The following TPP2 variants were observed in gnomAD, a reference collection of about 807,000 sequenced individuals.
TPP2 encodes the protein tripeptidyl peptidase 2, also known as tripeptidyl-peptidase 2.
A neutral mutation model predicts 155.9 loss-of-function variants in TPP2; 34 were observed. The ratio of observed to expected loss-of-function variants is 0.22; its 90% CI spans 0.17 to 0.29. The LOEUF is 0.29. Ranked by LOEUF, TPP2 falls within the 10% of genes least tolerant of loss-of-function variation. The probability of loss-of-function intolerance (pLI) is 1.00; values close to 1 mark genes in which losing one functional copy is unlikely to be tolerated. For synonymous variants in TPP2, 510 were observed against 529.4 expected, an observed-to-expected ratio of 0.96 and a Z score of 0.50; for missense variants, 1,028 against 1,522.3, an observed-to-expected ratio of 0.68 and a Z score of 5.40.
At position 102,634,098 on chromosome 13, in the gene TPP2, G is replaced by C. The variant is rs750736298; in HGVS notation, c.1393G>C (p.Gly465Arg). ...TGGAGGCATTGCCCTGATCCTTTCA[G>C]GTAAGCGTGTTCTTTATTGTCCTTA... ...ACGGIALILS[G>R]LKANNIDYTV... The change falls in exon 11 of 30, where the codon GGT (glycine) becomes CGT (arginine). Residue 465 changes from glycine (G) to arginine (R), a missense_variant and splice_region_variant. By Grantham distance (125) the Gly-to-Arg change is moderately radical (BLOSUM62 -2). This residue lies in a region of TPP2 where 325 missense variants were observed against 463.7 expected (regional missense o/e 0.70). Coordinates refer to ENST00000376052, the MANE Select transcript of TPP2 (RefSeq NM_001330588.2). 1.2e-6 allele frequency: 2 copies of C among 1,613,826 alleles called. No homozygotes were observed. Among genetic ancestry groups the C allele is most frequent in the South Asian group, 1.1e-5 (1 of 91,084 alleles).
chr13:102,600,444 G>A (rs1326485486), intron 1 of TPP2, among the ~76,000 whole-genome samples: 2 of 151,834 alleles, frequency 1.3e-5, no homozygotes, highest in East Asian at 1.9e-4. Flanking sequence ...GTTAGGGCCT[G>A]CAGCTTCAGA....
At chr13:102,651,988 T>A (rs1037970328) in intron 24 of TPP2, among the ~76,000 whole-genome samples, 1 of 152,194 alleles carries the variant, frequency 6.6e-6, no homozygotes, top group African/African-American at 2.4e-5. Flanking sequence ...CCATCGCTAC[T>A]AAGTGGTCTG....
At chr13:102,609,208 A>G (rs1004064761) in intron 2 of TPP2, among the ~76,000 whole-genome samples, 4 of 152,058 alleles carry the variant, frequency 2.6e-5, no homozygotes, top group African/African-American at 9.7e-5. Flanking sequence ...GAAGAACTAC[A>G]TGAGACTGGG....
At chr13:102,672,597 G>A (rs575650711) in intron 27 of TPP2, among the ~76,000 whole-genome samples, 41 of 152,246 alleles carry the variant, frequency 2.7e-4, no homozygotes, top group Middle Eastern at 3.4e-3. Context: ...AACCTGCCTT[G>A]TCAACCCATT....
At chr13:102,661,250 C>CTTTT (rs35157211) in intron 25 of TPP2, among the ~76,000 whole-genome samples, 20 of 124,128 alleles carry the variant, frequency 1.6e-4, no homozygotes, top group African/African-American at 3.1e-4. Context: ...GAACGCTAAC[C>CTTTT]TTTTTTTTTT....
At chr13:102,644,847 G>A (rs1451610436) in intron 18 of TPP2, 62 bp from the exon 19 acceptor site, 2 of 1,563,820 alleles carry the variant, frequency 1.3e-6, no homozygotes, top group African/African-American at 2.7e-5. Context: ...ATTTATTTTA[G>A]GTACAAAATA....
intron 5 of TPP2, among the ~76,000 whole-genome samples, chr13:102,620,536 A>G (rs1184465782): frequency 6.6e-6 from 1 of 152,198 alleles, no homozygotes; most frequent in Non-Finnish European, 1.5e-5. Context: ...AGATGTTCTC[A>G]TTTCACATTT....
chr13:102,649,424 G>A lies in TPP2; in HGVS notation c.2890G>A (p.Gly964Arg). ...LPDDKIPKGA[G>R]PGCYLAGSLT... is the part of the protein sequence containing the mutation. ...CTTGTTTAGAATACCTAAAGGGGCAGGACCTGGATGCTATCTTGCAGGATC... is the reference window on the plus strand; with the variant it reads ...CTTGTTTAGAATACCTAAAGGGGCAAGACCTGGATGCTATCTTGCAGGATC... The change falls in exon 23 of 30, where the codon GGA becomes AGA. Residue 964 changes from glycine to arginine, a missense_variant. Around this residue, in one of 7 missense-constraint regions of TPP2, gnomAD observed 179 missense variants for 274.7 expected, o/e 0.65. Transcript: ENST00000376052. 6.2e-7 allele frequency: 1 copy of A among 1,612,656 alleles called. No individual in the cohort carries two copies. The highest frequency in any genetic ancestry group is 8.5e-7 in the Non-Finnish European group (1 of 1,179,428).
At chr13:102,637,902 T>G (rs1882491078) in intron 14 of TPP2, among the ~76,000 whole-genome samples, 1 of 152,214 alleles carries the variant, frequency 6.6e-6, no homozygotes, top group African/African-American at 2.4e-5. Context: ...AACAAATAGT[T>G]GTAAACCAGG....
In TPP2 at chr13:102,597,149, G is replaced by T. The variant is rs199899151; in HGVS notation, c.111G>T (p.Gly37=). 1.7e-5 allele frequency: 27 copies of T among 1,608,052 alleles called. No individual in the cohort carries two copies. The East Asian group carries it at 2.7e-4, about 16-fold the overall frequency. ...LCRYPEYDGR[G]VLIAVLDTGV... is the part of the protein sequence containing the mutation. ...GCTACCCGGAGTATGATGGGCGGGGGGTGCTCATCGCAGTCCTGGACACGG... is the reference window on the plus strand; with the variant it reads ...GCTACCCGGAGTATGATGGGCGGGGTGTGCTCATCGCAGTCCTGGACACGG... Residue 37 remains glycine (G), a synonymous_variant, in exon 1 of 30, where the codon GGG becomes GGT. Transcript: ENST00000376052.
At chr13:102,637,775 T>A (rs1882479372) in intron 14 of TPP2, among the ~76,000 whole-genome samples, 1 of 152,198 alleles carries the variant, frequency 6.6e-6, no homozygotes, top group Non-Finnish European at 1.5e-5. Flanking sequence ...TGTCTTGAAC[T>A]CTTGGCCTCA....
Position 102,663,703 on chromosome 13 carries a change from C to G in TPP2, c.3199C>G (p.Pro1067Ala). Residue 1067 changes from proline (P) to alanine (A), a missense_variant, in exon 26 of 30, where the codon CCT becomes GCT. Pro to Ala is a conservative substitution (Grantham distance 27). This residue lies in a region of TPP2 where 179 missense variants were observed against 274.7 expected (regional missense o/e 0.65). Transcript: ENST00000376052. ...GAAAGAAACATATCCTAATTATCTT[C>G]CTCTGTACGTTGCACGACTTCATCA... is the stretch of plus-strand genomic sequence containing the variant. ...ELKETYPNYL[P>A]LYVARLHQLD... 6.2e-7 allele frequency: 1 copy of G among 1,608,444 alleles called. No individual in the cohort carries two copies. Among genetic ancestry groups the G allele is most frequent in the East Asian group, 2.2e-5 (1 of 44,528 alleles).
chr13:102,652,772 T>C (rs1256813488), intron 24 of TPP2, among the ~76,000 whole-genome samples: 1 of 152,104 alleles, frequency 6.6e-6, no homozygotes, highest in African/African-American at 2.4e-5. Context: ...TCTTGACCGT[T>C]TGGGGGCCAC....
At position 102,619,491 on chromosome 13, in the gene TPP2, C is replaced by G. The variant is rs114338934; in HGVS notation, c.620+645C>G. Among the ~76,000 whole-genome samples, 481 of 151,868 alleles carry G rather than the reference C, an allele frequency of 3.2e-3. 2 individuals are homozygous for G. Among genetic ancestry groups the G allele is most frequent in the African/African-American group, 0.011 (440 of 41,398 alleles). ...TTCTTAAACTTGTAGTCAAGAATTACTTGTAGTCTGCGTCCCTGCTTATAC... is the reference window on the plus strand; with the variant it reads ...TTCTTAAACTTGTAGTCAAGAATTAGTTGTAGTCTGCGTCCCTGCTTATAC... On this transcript the variant is annotated intron_variant, in intron 5 of 29. Coordinates refer to ENST00000376052, the MANE Select transcript of TPP2 (RefSeq NM_001330588.2).
chr13:102,675,416 C>A (rs541192424), intron 28 of TPP2, among the ~76,000 whole-genome samples: 2 of 152,166 alleles, frequency 1.3e-5, no homozygotes, highest in South Asian at 2.1e-4. Context: ...AGGCAACTTA[C>A]AAAATTTTGA....
chr13:102,665,073 C>A, intron 27 of TPP2, 148 bp downstream of exon 27: 2 of 1,027,978 alleles, frequency 1.9e-6, no homozygotes, highest in Non-Finnish European at 2.7e-6. Context: ...TACTCCCCTC[C>A]TTAGAAATTT....
intron 27 of TPP2, among the ~76,000 whole-genome samples, chr13:102,671,622 G>A (rs1297085968): frequency 6.6e-6 from 1 of 152,146 alleles, no homozygotes; most frequent in African/African-American, 2.4e-5. Context: ...ACCTGATTGT[G>A]TTGTCAATTT....
At position 102,630,226 on chromosome 13, in the gene TPP2, G is replaced by A. The variant is rs1356488197; in HGVS notation, c.1244+31G>A. 3.9e-6 allele frequency: 6 copies of A among 1,531,144 alleles called. No homozygotes were observed. In the East Asian group the frequency reaches 6.8e-5, roughly 17 times the overall value. The allele number at this position is 1,531,144 out of a possible 1,614,324, so 94.8% of individuals were successfully genotyped here. Reference sequence around the variant, plus strand: ...TGCAGGTAGAACGCGGAACCATTACGTATATTCGGTTAAACTTTACACTGT... The same window carrying A: ...TGCAGGTAGAACGCGGAACCATTACATATATTCGGTTAAACTTTACACTGT... On this transcript the variant is annotated intron_variant, in intron 10 of 29. Coordinates refer to ENST00000376052, the MANE Select transcript of TPP2 (RefSeq NM_001330588.2).
intron 25 of TPP2, among the ~76,000 whole-genome samples, chr13:102,662,301 G>T (rs1595208274): frequency 6.6e-6 from 1 of 152,050 alleles, no homozygotes; most frequent in Non-Finnish European, 1.5e-5. Flanking sequence ...GTTTCTTTTT[G>T]TATTGATGAA....
Sources: gnomAD v4.1 joint callset for allele counts (sites outside exome capture counted in the v4.1 genomes callset) on GRCh38, gnomAD v4.1.1 for gene constraint, gnomAD v4.1.1 regional missense constraint, MANE v1.5 for transcripts, NCBI Gene and HGNC (gene_info 2026-07-23, HGNC 2026-07-21) for gene names.